Variants in SLC9A8 observed in about 807,000 individuals in gnomAD.
The protein encoded by SLC9A8 is sodium/hydrogen exchanger 8.
A neutral mutation model predicts 66.6 loss-of-function variants in SLC9A8; 48 were observed. The ratio of observed to expected loss-of-function variants is 0.72; its 90% confidence interval spans 0.57 to 0.92. SLC9A8 has a LOEUF of 0.92. SLC9A8 is among the 40% of genes least tolerant of loss of function. SLC9A8 has a pLI of 0.00. For missense variants in SLC9A8, 599 were observed against 747.3 expected, an observed-to-expected ratio of 0.80 and a Z score of 2.31; for synonymous variants, 274 against 282.6, an observed-to-expected ratio of 0.97 and a Z score of 0.31.
In SLC9A8 at chr20:49,884,303, C is replaced by CG. The variant is rs200121931; in HGVS notation, c.1491+237_1491+238insG. 1.1e-4 allele frequency: 42 copies of CG among 386,534 alleles called. 1 individual carries two copies. Among genetic ancestry groups the CG allele is most frequent in the African/African-American group, 6.8e-4 (28 of 41,128 alleles). 23.9% of individuals were successfully genotyped at this position (386,534 alleles called of 1,614,324 possible). ...CACACACACACGACACACACACACA[C>CG]ACACACACACACACACACACACACA... On this transcript the variant is annotated intron_variant, in intron 14 of 15. Coordinates refer to ENST00000361573, the MANE Select transcript of SLC9A8 (RefSeq NM_015266.3).
In SLC9A8 at chr20:49,876,064, T is replaced by G. The variant is rs534138968; in HGVS notation, c.1075+1243T>G. ...ACTTGTCTCATTTTTAATTGCTACT[T>G]CCACACTGTTAGCGTGCTAGGAGGC... On this transcript the variant is annotated intron_variant, in intron 11 of 15. Transcript: ENST00000361573. Among the ~76,000 whole-genome samples the G allele has an allele frequency of 2.0e-5, 3 of 152,238 alleles. No individual in the cohort carries two copies. In the South Asian group the frequency reaches 6.2e-4, roughly 32 times the overall value.
intron 3 of SLC9A8, among the ~76,000 whole-genome samples, chr20:49,835,135 G>A (rs1018514759): frequency 3.3e-5 from 5 of 151,964 alleles, no homozygotes; most frequent in African/African-American, 1.2e-4. Context: ...AAATGCTTAT[G>A]CTTTGTAAAC....
chr20:49,851,633 G>A (rs908402850), intron 7 of SLC9A8, among the ~76,000 whole-genome samples: 5 of 152,172 alleles, frequency 3.3e-5, no homozygotes, highest in African/African-American at 7.2e-5. Flanking sequence ...AGCAACTTGG[G>A]ACTAGAATCT....
At chr20:49,852,395 A>G (rs771938651) in intron 7 of SLC9A8, among the ~76,000 whole-genome samples, 11 of 152,314 alleles carry the variant, frequency 7.2e-5, no homozygotes, top group East Asian at 1.9e-4. Flanking sequence ...CACAAATACC[A>G]TGCAGACCAA....
rs146480514 is a variant in SLC9A8 at position 49,883,899 on chromosome 20, A to G, written c.1324A>G (p.Met442Val). ...GAGCCTACACCTGGACCTGGAGCCC[A>G]TGGAGAAGCGGCAGCTCATCGGCAC... ...ALSLHLDLEP[M>V]EKRQLIGTTT... Residue 442 changes from methionine (M) to valine (V), a missense_variant, in exon 14 of 16, where the codon ATG becomes GTG. Transcript: ENST00000361573. The G allele has an allele frequency of 8.1e-4, 1,312 of 1,610,632 alleles. 3 individuals carry two copies. Among genetic ancestry groups the G allele is most frequent in the Non-Finnish European group, 1.0e-3 (1,198 of 1,179,990 alleles).
chr20:49,856,854 A>G lies in SLC9A8; in HGVS notation c.713+1273A>G, dbSNP rs138970672. Among the ~76,000 whole-genome samples, 15 of 151,936 alleles carry G rather than the reference A, an allele frequency of 9.9e-5. No individual in the cohort carries two copies. In the East Asian group the frequency reaches 2.9e-3, roughly 29 times the overall value. ...AAAAAAAAAATTTTAGCTGGGTGTC[A>G]TATCACGTGCCTGTATTCCTAGCTA... On this transcript the variant is annotated intron_variant, in intron 8 of 15. Coordinates refer to ENST00000361573, the MANE Select transcript of SLC9A8 (RefSeq NM_015266.3).
At chr20:49,847,907 G>GTT (rs3091810) in intron 5 of SLC9A8, among the ~76,000 whole-genome samples, 92,985 of 115,172 alleles carry the variant, frequency 0.81, 38,266 homozygotes, top group Non-Finnish European at 0.85. Flanking sequence ...TGATTAATCT[G>GTT]TTTTTTTTTT....
Position 49,838,842 on chromosome 20 carries a change from G to A in SLC9A8, c.290-699G>A, listed in dbSNP as rs3748836. Among the ~76,000 whole-genome samples the A allele has an allele frequency of 0.023, 3,473 of 152,152 alleles. 385 individuals are homozygous for A. In the East Asian group the frequency reaches 0.35, roughly 15 times the overall value. Reference sequence around the variant, plus strand: ...ATGAGTAGGTCTGGAGTTCTACTTGGGCGTCTTTATTTTATAAAAAGTTCC... The same window carrying A: ...ATGAGTAGGTCTGGAGTTCTACTTGAGCGTCTTTATTTTATAAAAAGTTCC... On this transcript the variant is annotated intron_variant, in intron 3 of 15. Transcript: ENST00000361573.
rs563983242 is a variant in SLC9A8 at position 49,887,964 on chromosome 20, A to AGGCC, written c.*29_*32dup. 60 of 1,581,350 alleles carry AGGCC rather than the reference A, an allele frequency of 3.8e-5. No homozygotes were observed. The Admixed American group carries it at 7.2e-4, about 19-fold the overall frequency. On this transcript the variant is annotated 3_prime_UTR_variant, in exon 16 of 16. Transcript: ENST00000361573. ...CCAGGTGCCAAGGCTTCAGGCAGGC[A>AGGCC]GGCCCAGGATGGGCGTTTGCTGCGC...
chr20:49,834,433 G>GTATA (rs765521098), intron 3 of SLC9A8, among the ~76,000 whole-genome samples: 4 of 28,168 alleles, frequency 1.4e-4, no homozygotes, highest in African/African-American at 5.3e-4. Context: ...TATATATACT[G>GTATA]TATATATATA....
chr20:49,884,309 C>CG (rs1487441391), intron 14 of SLC9A8, among the ~76,000 whole-genome samples: 3 of 139,746 alleles, frequency 2.1e-5, no homozygotes, highest in Admixed American at 7.1e-5. Flanking sequence ...CACACACACA[C>CG]ACACACACAC....
intron 3 of SLC9A8, chr20:49,830,018 C>T (rs903361390): frequency 3.1e-6 from 2 of 646,802 alleles, no homozygotes; most frequent in Non-Finnish European, 6.0e-6. Flanking sequence ...GATGGCCGGA[C>T]CAGTGGCTGC....
rs989611450 is a variant in SLC9A8 at position 49,889,404 on chromosome 20, A to G, written c.*1468A>G. The G allele has an allele frequency of 5.9e-5, 9 of 152,286 alleles. No homozygotes were observed. Among genetic ancestry groups the G allele is most frequent in the African/African-American group, 2.2e-4 (9 of 41,396 alleles). 9.4% of individuals were successfully genotyped at this position (152,286 alleles called of 1,614,324 possible). On this transcript the variant is annotated 3_prime_UTR_variant, in exon 16 of 16. Transcript: ENST00000361573. Reference sequence around the variant, plus strand: ...AGTGGGCCCACATGGGCCAGCATGGACCCTGGGCTAGAGCAAGCACATCTC... The same window carrying G: ...AGTGGGCCCACATGGGCCAGCATGGGCCCTGGGCTAGAGCAAGCACATCTC...
At position 49,889,438 on chromosome 20, in the gene SLC9A8, C is replaced by G. The variant is rs2089993830; in HGVS notation, c.*1502C>G. ...TAGAGCAAGCACATCTCCATCTCTT[C>G]CACCTCAGGCAGTGTGGCTCCAGAT... On this transcript the variant is annotated 3_prime_UTR_variant, in exon 16 of 16. Coordinates refer to ENST00000361573, the MANE Select transcript of SLC9A8 (RefSeq NM_015266.3). 6.6e-6 allele frequency: 1 copy of G among 152,288 alleles called. No individual in the cohort carries two copies. Among genetic ancestry groups the G allele is most frequent in the South Asian group, 2.1e-4 (1 of 4,834 alleles). The allele number at this position is 152,288 out of a possible 1,614,324, so 9.4% of individuals were successfully genotyped here.
chr20:49,817,459 T>G (rs901564439), intron 2 of SLC9A8, among the ~76,000 whole-genome samples: 19 of 152,004 alleles, frequency 1.2e-4, no homozygotes, highest in East Asian at 1.9e-4. Flanking sequence ...CAACTGTTTT[T>G]TTTTTTTTTT....
intron 8 of SLC9A8, among the ~76,000 whole-genome samples, chr20:49,856,686 G>T (rs1299314296): frequency 1.3e-5 from 2 of 152,098 alleles, no homozygotes; most frequent in Admixed American, 1.3e-4. Flanking sequence ...GCTGGGCTTG[G>T]TGGCGGGTGC....
intron 3 of SLC9A8, among the ~76,000 whole-genome samples, chr20:49,836,943 C>A (rs371875853): frequency 6.6e-6 from 1 of 152,136 alleles, no homozygotes; most frequent in African/African-American, 2.4e-5. Flanking sequence ...CTGCTTAGGA[C>A]AAACCTGCCT....
At position 49,887,988 on chromosome 20, in the gene SLC9A8, G is replaced by A. The variant is rs951305079; in HGVS notation, c.*52G>A. ...CAGGCCCAGGATGGGCGTTTGCTGC[G>A]CACAGACACTCAGCAGGGGCCTCGC... is the stretch of plus-strand genomic sequence containing the variant. On this transcript the variant is annotated 3_prime_UTR_variant, in exon 16 of 16. Coordinates refer to ENST00000361573, the MANE Select transcript of SLC9A8 (RefSeq NM_015266.3). The A allele has an allele frequency of 9.3e-6, 13 of 1,397,970 alleles. No individual in the cohort carries two copies. The highest frequency in any genetic ancestry group is 2.8e-5 in the African/African-American group (2 of 70,640). 86.6% of individuals were successfully genotyped at this position (1,397,970 alleles called of 1,614,324 possible). A position where few individuals can be genotyped will look rare whatever the true frequency, so the allele number is the denominator to read the frequency against.
chr20:49,820,946 A>G (rs1176966318), intron 2 of SLC9A8, among the ~76,000 whole-genome samples: 1 of 152,130 alleles, frequency 6.6e-6, no homozygotes, highest in Non-Finnish European at 1.5e-5. Context: ...TCTTTTGTCT[A>G]TTCATGTCCT....
Sources: allele counts gnomAD v4.1 joint callset (sites outside exome capture counted in the v4.1 genomes callset), GRCh38; gene constraint gnomAD v4.1.1; transcripts MANE v1.5; gene names NCBI Gene and HGNC (gene_info 2026-07-23, HGNC 2026-07-21).